Variants in PRKN observed in about 807,000 individuals in gnomAD.
The protein encoded by PRKN is parkin RBR E3 ubiquitin protein ligase.
Under a neutral mutation model 59.5 loss-of-function variants are expected in PRKN, and 56 were observed. The observed-to-expected ratio is 0.94, with a 90% CI of 0.76 to 1.18. The LOEUF (loss-of-function observed/expected upper bound fraction) is 1.18. Among genes scored for constraint, PRKN ranks in the 50% most tolerant of loss-of-function variants. The probability of loss-of-function intolerance (pLI) is 0.00; values close to 1 mark genes in which losing one functional copy is unlikely to be tolerated. For synonymous variants in PRKN, 250 were observed against 222.1 expected, an observed-to-expected ratio of 1.13 and a Z score of -1.12; for missense variants, 657 against 596.4, an observed-to-expected ratio of 1.10 and a Z score of -1.06.
At chr6:162,531,145 T>C (rs999754177) in intron 1 of PRKN, among the ~76,000 whole-genome samples, 1 of 150,976 alleles carries the variant, frequency 6.6e-6, no homozygotes, top group Non-Finnish European at 1.5e-5. Context: ...GGTGGGTGGA[T>C]CACCTGAGGT....
At chr6:162,006,449 G>A (rs1039129764) in intron 5 of PRKN, among the ~76,000 whole-genome samples, 5 of 152,096 alleles carry the variant, frequency 3.3e-5, no homozygotes, top group African/African-American at 9.7e-5. Context: ...CTGTAAACCA[G>A]ATCATATTCT....
intron 6 of PRKN, among the ~76,000 whole-genome samples, chr6:161,831,015 C>T (rs1483445447): frequency 6.6e-6 from 1 of 152,168 alleles, no homozygotes; most frequent in East Asian, 1.9e-4. Context: ...TGGTTCATCT[C>T]ACTGTTATCC....
intron 2 of PRKN, among the ~76,000 whole-genome samples, chr6:162,418,431 C>T (rs1788757997): frequency 6.6e-6 from 1 of 151,962 alleles, no homozygotes; most frequent in Non-Finnish European, 1.5e-5. Flanking sequence ...GGAGTGAAAA[C>T]GCTCCCAAGA....
At chr6:162,320,050 GA>G (rs921276741) in intron 2 of PRKN, among the ~76,000 whole-genome samples, 1 of 151,720 alleles carries the variant, frequency 6.6e-6, no homozygotes, top group African/African-American at 2.4e-5. Flanking sequence ...ACTTATAAGT[GA>G]AAAAATGAGC....
intron 2 of PRKN, among the ~76,000 whole-genome samples, chr6:162,387,352 C>A (rs1171256118): frequency 6.6e-6 from 1 of 150,920 alleles, no homozygotes; most frequent in Non-Finnish European, 1.5e-5. Context: ...AGTAATAGTT[C>A]TTAAGCTCAA....
At chr6:162,428,568 C>T (rs1179405840) in intron 2 of PRKN, among the ~76,000 whole-genome samples, 2 of 152,144 alleles carry the variant, frequency 1.3e-5, no homozygotes, top group Non-Finnish European at 2.9e-5. Flanking sequence ...TGCCTGGTGG[C>T]ATCAACATCT....
At chr6:161,893,088 G>A (rs1437624067) in intron 6 of PRKN, among the ~76,000 whole-genome samples, 2 of 152,226 alleles carry the variant, frequency 1.3e-5, no homozygotes, top group African/African-American at 4.8e-5. Flanking sequence ...TGATCCACCT[G>A]TCTCAGTCTC....
intron 3 of PRKN, among the ~76,000 whole-genome samples, chr6:162,257,988 C>T (rs1039743896): frequency 6.6e-5 from 10 of 152,284 alleles, no homozygotes; most frequent in Admixed American, 2.6e-4. Flanking sequence ...TCCACCTGCT[C>T]CAAGCTCCAC....
chr6:161,997,851 T>C (rs894898689), intron 5 of PRKN, among the ~76,000 whole-genome samples: 1 of 152,114 alleles, frequency 6.6e-6, no homozygotes. Context: ...GAATGTATCA[T>C]TACTTGGCTG....
intron 1 of PRKN, among the ~76,000 whole-genome samples, chr6:162,585,674 A>G (rs1362184854): frequency 6.6e-6 from 1 of 151,942 alleles, no homozygotes. Context: ...TATACTGAGT[A>G]TTTCATAGAC....
At chr6:162,624,196 T>C (rs1782790704) in intron 1 of PRKN, among the ~76,000 whole-genome samples, 2 of 146,870 alleles carry the variant, frequency 1.4e-5, no homozygotes, top group South Asian at 4.3e-4. Flanking sequence ...TGCAGTGAGC[T>C]GGGATCATGC....
chr6:162,665,667 G>A (rs997772128), intron 1 of PRKN, among the ~76,000 whole-genome samples: 2 of 152,044 alleles, frequency 1.3e-5, no homozygotes, highest in Non-Finnish European at 2.9e-5. Flanking sequence ...ATTCTTCACA[G>A]AATTAGAAAA....
At chr6:162,100,289 C>T (rs567978163) in intron 4 of PRKN, among the ~76,000 whole-genome samples, 1 of 152,162 alleles carries the variant, frequency 6.6e-6, no homozygotes, top group African/African-American at 2.4e-5. Context: ...TGGATACGTA[C>T]CCAGAAGTGA....
chr6:162,408,299 AAAAC>A (rs1408081048), intron 2 of PRKN, among the ~76,000 whole-genome samples: 1 of 152,158 alleles, frequency 6.6e-6, no homozygotes, highest in Non-Finnish European at 1.5e-5. Context: ...TCAGAAAAAA[AAAAC>A]AAAACAAAAG....
chr6:161,487,115 A>T lies in PRKN; in HGVS notation c.1083+61739T>A, dbSNP rs146027100. Reference sequence around the variant, plus strand: ...GTTGAGGGGCGATGAGGTAAGAATGACTAATGCTTATGAACCATTGCCTGA... The same window carrying T: ...GTTGAGGGGCGATGAGGTAAGAATGTCTAATGCTTATGAACCATTGCCTGA... On this transcript the variant is annotated intron_variant, in intron 9 of 11. Coordinates refer to ENST00000366898, the MANE Select transcript of PRKN (RefSeq NM_004562.3). This position sits in a 1 kb window ranked among gnomAD's most constrained non-coding sequence, Gnocchi z 5.3. 1.3e-5 allele frequency among the ~76,000 whole-genome samples: 2 copies of T among 152,326 alleles called. No individual in the cohort carries two copies. The highest frequency in any genetic ancestry group is 4.8e-5 in the African/African-American group (2 of 41,574).
chr6:162,665,948 T>C (rs183867753), intron 1 of PRKN, among the ~76,000 whole-genome samples: 3 of 152,118 alleles, frequency 2.0e-5, no homozygotes, highest in Non-Finnish European at 4.4e-5. Flanking sequence ...TCCTATTCAG[T>C]AAATGGTGCT....
chr6:161,679,407 C>T (rs948718347), intron 7 of PRKN, among the ~76,000 whole-genome samples: 5 of 152,154 alleles, frequency 3.3e-5, no homozygotes, highest in East Asian at 1.9e-4. Context: ...TGGGACAGCG[C>T]GCCTCTGACC....
At chr6:161,897,952 G>C (rs1459523479) in intron 6 of PRKN, among the ~76,000 whole-genome samples, 3 of 41,808 alleles carry the variant, frequency 7.2e-5, no homozygotes, top group Non-Finnish European at 1.0e-4. Flanking sequence ...GGGTGACAGA[G>C]CGAGACTCCG....
At position 161,352,755 on chromosome 6, in the gene PRKN, G is replaced by GTGTGTATATATATATATATA. The variant is rs766949960; in HGVS notation, c.1286-2545_1286-2544insTATATATATATATATACACA. Among the ~76,000 whole-genome samples, 35 of 134,364 alleles carry GTGTGTATATATATATATATA rather than the reference G, an allele frequency of 2.6e-4. No individual in the cohort carries two copies. The highest frequency in any genetic ancestry group is 9.0e-4 in the African/African-American group (32 of 35,712). 88.1% of individuals were successfully genotyped at this position (134,364 alleles called of 152,430 possible). ...TGTGTGTGTGTGTGTGTGTGTGTGT[G>GTGTGTATATATATATATATA]TATATATATATATATATTTTATTTT... On this transcript the variant is annotated intron_variant, in intron 11 of 11. Coordinates refer to ENST00000366898, the MANE Select transcript of PRKN (RefSeq NM_004562.3). This position sits in a 1 kb window ranked among gnomAD's most constrained non-coding sequence, Gnocchi z 5.8.
Sources: allele counts gnomAD v4.1 joint callset (sites outside exome capture counted in the v4.1 genomes callset), GRCh38; gene constraint gnomAD v4.1.1; non-coding constraint Gnocchi (gnomAD v3.1); transcripts MANE v1.5; gene names NCBI Gene and HGNC (gene_info 2026-07-23, HGNC 2026-07-21).